Variants in CSMD3 observed in about 807,000 individuals in gnomAD.
CSMD3 encodes the protein CUB and sushi domain-containing protein 3.
CSMD3 carries 177 observed loss-of-function variants against 435.2 expected under a neutral mutation model. That is an observed-to-expected ratio of 0.41 (90% CI 0.36 to 0.46). The LOEUF (loss-of-function observed/expected upper bound fraction) is 0.46. Ranked by LOEUF, CSMD3 falls within the 20% of genes least tolerant of loss-of-function variation. The pLI is 0.34. For synonymous variants in CSMD3, 1,656 were observed against 1,520.5 expected, an observed-to-expected ratio of 1.09 and a Z score of -2.07; for missense variants, 4,265 against 4,504.6, an observed-to-expected ratio of 0.95 and a Z score of 1.52.
At chr8:112,473,541 G>T (rs2130760167) in intron 31 of CSMD3, among the ~76,000 whole-genome samples, 1 of 152,182 alleles carries the variant, frequency 6.6e-6, no homozygotes, top group Non-Finnish European at 1.5e-5. Context: ...AGATTGGGTA[G>T]CTACAGAGAA....
chr8:112,562,739 AT>A (rs1373257795), intron 24 of CSMD3, among the ~76,000 whole-genome samples: 1 of 151,664 alleles, frequency 6.6e-6, no homozygotes, highest in African/African-American at 2.4e-5. Context: ...ATTAAATTCC[AT>A]TTTGGCCATG....
At chr8:112,652,659 T>A (rs2075156612) in intron 18 of CSMD3, among the ~76,000 whole-genome samples, 1 of 152,186 alleles carries the variant, frequency 6.6e-6, no homozygotes, top group Admixed American at 6.5e-5. Context: ...TAGTTCATAA[T>A]TGATTGACAA....
intron 12 of CSMD3, among the ~76,000 whole-genome samples, chr8:112,800,957 T>C (rs796924986): frequency 1.1e-4 from 16 of 152,132 alleles, no homozygotes; most frequent in African/African-American, 3.6e-4. Flanking sequence ...TGTAATTGCA[T>C]ATTAGAACTG....
At chr8:112,683,553 G>T (rs964136995) in intron 15 of CSMD3, among the ~76,000 whole-genome samples, 4 of 151,872 alleles carry the variant, frequency 2.6e-5, no homozygotes, top group African/African-American at 4.8e-5. Flanking sequence ...GGGTTTATTT[G>T]AATTTTTCAT....
intron 4 of CSMD3, among the ~76,000 whole-genome samples, chr8:113,128,761 T>C (rs2091208283): frequency 6.6e-6 from 1 of 152,110 alleles, no homozygotes; most frequent in South Asian, 2.1e-4. Flanking sequence ...AATTTCAAAA[T>C]ACTGCTCTCA....
chr8:112,567,098 C>A (rs1829119564), intron 24 of CSMD3, among the ~76,000 whole-genome samples: 1 of 152,126 alleles, frequency 6.6e-6, no homozygotes, highest in Non-Finnish European at 1.5e-5. Context: ...TTATTTGCTA[C>A]TGCTAGTTTC....
Position 112,703,537 on chromosome 8 carries a change from T to A in CSMD3, c.1973-13487A>T, listed in dbSNP as rs1376254817. Among the ~76,000 whole-genome samples the A allele has an allele frequency of 5.3e-5, 8 of 152,242 alleles. No homozygotes were observed. In the South Asian group the frequency reaches 1.7e-3, roughly 32 times the overall value. The stretch of plus-strand genomic sequence containing the variant: ...AAATTCAATCAGATTTCCAGCCAAA[T>A]AATAACATCTGGCCTTAAAGTGACA... On this transcript the variant is annotated intron_variant, in intron 13 of 70. Coordinates refer to ENST00000297405, the MANE Select transcript of CSMD3 (RefSeq NM_198123.2).
intron 13 of CSMD3, among the ~76,000 whole-genome samples, chr8:112,797,069 C>A (rs2078846464): frequency 6.6e-6 from 1 of 151,838 alleles, no homozygotes; most frequent in Admixed American, 6.6e-5. Context: ...TTTCCAAACT[C>A]CATAGAAAAA....
chr8:112,624,590 A>G (rs1462243762), intron 22 of CSMD3, among the ~76,000 whole-genome samples: 1 of 152,070 alleles, frequency 6.6e-6, no homozygotes, highest in African/African-American at 2.4e-5. Context: ...TGCTTTTCCA[A>G]TATGGAAACT....
chr8:113,353,715 G>T (rs773339803), intron 1 of CSMD3, among the ~76,000 whole-genome samples: 36 of 151,988 alleles, frequency 2.4e-4, no homozygotes, highest in Non-Finnish European at 4.1e-4. Flanking sequence ...TTCAGACAAG[G>T]TTTCTTATCA....
chr8:112,763,065 T>G (rs1427304383), intron 13 of CSMD3, among the ~76,000 whole-genome samples: 1 of 151,690 alleles, frequency 6.6e-6, no homozygotes, highest in African/African-American at 2.4e-5. Flanking sequence ...ACCACAAAAA[T>G]GATAACATTG....
chr8:112,440,930 C>T (rs772009395), intron 32 of CSMD3, among the ~76,000 whole-genome samples: 15 of 152,178 alleles, frequency 9.9e-5, no homozygotes, highest in African/African-American at 1.4e-4. Context: ...CTGCCATGAA[C>T]GTCTCTGATG....
chr8:112,653,061 C>T (rs917714423), intron 18 of CSMD3, among the ~76,000 whole-genome samples: 1 of 152,166 alleles, frequency 6.6e-6, no homozygotes, highest in Non-Finnish European at 1.5e-5. Flanking sequence ...AAGTGACACT[C>T]CCGCCTCAGC....
chr8:113,318,840 T>C (rs902299918), intron 1 of CSMD3, among the ~76,000 whole-genome samples: 11 of 143,052 alleles, frequency 7.7e-5, no homozygotes, highest in Admixed American at 4.2e-4. Flanking sequence ...TATTCCATTG[T>C]GTATATATAA....
chr8:112,486,617 G>A (rs1288034127), intron 31 of CSMD3, among the ~76,000 whole-genome samples: 1 of 151,958 alleles, frequency 6.6e-6, no homozygotes, highest in Non-Finnish European at 1.5e-5. Flanking sequence ...GTTTATATAT[G>A]CTGAACCCTA....
intron 17 of CSMD3, among the ~76,000 whole-genome samples, chr8:112,660,724 T>G (rs577581870): frequency 6.6e-6 from 1 of 152,302 alleles, no homozygotes; most frequent in African/African-American, 2.4e-5. Flanking sequence ...ATAAGGTAGA[T>G]TCAAAGGAAA....
intron 1 of CSMD3, among the ~76,000 whole-genome samples, chr8:113,378,758 C>G (rs2133094563): frequency 1.3e-5 from 1 of 76,404 alleles, no homozygotes; most frequent in African/African-American, 6.5e-5. Flanking sequence ...GATTGTCACA[C>G]TGAAGTGTGT....
At chr8:113,310,333 A>C (rs1205876048) in intron 2 of CSMD3, 4 of 152,042 alleles carry the variant, frequency 2.6e-5, no homozygotes, top group African/African-American at 7.2e-5. Flanking sequence ...AAAAGAAATG[A>C]AATGAATCTT....
intron 3 of CSMD3, among the ~76,000 whole-genome samples, chr8:113,242,178 T>C (rs1168099403): frequency 1.3e-5 from 2 of 151,910 alleles, no homozygotes. Flanking sequence ...AAAAATTGTA[T>C]GGTACTTGGA....
Sources: gnomAD v4.1 joint callset for allele counts (sites outside exome capture counted in the v4.1 genomes callset) on GRCh38, gnomAD v4.1.1 for gene constraint, MANE v1.5 for transcripts, NCBI Gene and HGNC (gene_info 2026-07-23, HGNC 2026-07-21) for gene names.